PPP1R16B: variants seen among roughly 807,000 people sequenced by gnomAD.
PPP1R16B encodes protein phosphatase 1 regulatory inhibitor subunit 16B.
Under a neutral mutation model 61.7 loss-of-function variants are expected in PPP1R16B, and 14 were observed. That is an observed-to-expected ratio of 0.23 (90% CI 0.15 to 0.35). The LOEUF is 0.35. PPP1R16B is among the 10% of genes least tolerant of loss of function. The probability of loss-of-function intolerance (pLI) is 1.00; values close to 1 mark genes in which losing one functional copy is unlikely to be tolerated. For synonymous variants in PPP1R16B, 266 were observed against 305.3 expected, an observed-to-expected ratio of 0.87 and a Z score of 1.34; for missense variants, 547 against 752.5, an observed-to-expected ratio of 0.73 and a Z score of 3.19.
Position 38,902,628 on chromosome 20 carries a change from G to A in PPP1R16B, c.572-40G>A, listed in dbSNP as rs2085404449. On this transcript the variant is annotated intron_variant, in intron 5 of 10. Transcript: ENST00000299824. ...CTTCCCCTGCCCTCTGGGGTCGTAG[G>A]CCTGAGGGTGCTAAATAAATCCCCT... 1.9e-6 allele frequency: 3 copies of A among 1,613,322 alleles called. No homozygotes were observed. The East Asian group carries it at 6.7e-5, about 36-fold the overall frequency.
At chr20:38,902,463 G>C (rs1355476377) in intron 5 of PPP1R16B, among the ~76,000 whole-genome samples, 3 of 152,214 alleles carry the variant, frequency 2.0e-5, no homozygotes, top group African/African-American at 7.2e-5. Flanking sequence ...TGCCTAGTGG[G>C]TGCCAGGCAG....
chr20:38,833,299 A>G (rs2084849296), intron 1 of PPP1R16B, among the ~76,000 whole-genome samples: 1 of 152,236 alleles, frequency 6.6e-6, no homozygotes, highest in South Asian at 2.1e-4. Context: ...CAAGGCAGGG[A>G]CAGGAGTGGG....
intron 4 of PPP1R16B, among the ~76,000 whole-genome samples, 163 bp downstream of exon 4, chr20:38,895,873 TCCTTCCTTCTTTCTTCCCTCCCTC>T (rs2145766929): frequency 9.6e-6 from 1 of 104,660 alleles, no homozygotes; most frequent in Non-Finnish European, 1.9e-5. Context: ...CCTCCCTCCC[TCCTTCCTTCTTTCTTCCCTCCCTC>T]CCTCCTTCCT....
chr20:38,896,051 C>T (rs1310605296), intron 4 of PPP1R16B, among the ~76,000 whole-genome samples: 2 of 133,030 alleles, frequency 1.5e-5, no homozygotes, highest in African/African-American at 6.7e-5. Context: ...TCTTTTCTCC[C>T]TTCCTCCCTT....
At chr20:38,834,004 A>T (rs1184425291) in intron 1 of PPP1R16B, among the ~76,000 whole-genome samples, 1 of 152,186 alleles carries the variant, frequency 6.6e-6, no homozygotes, top group Admixed American at 6.5e-5. Flanking sequence ...AGTGGACCAC[A>T]TCACACAGAT....
chr20:38,893,075 A>G (rs921839684), intron 3 of PPP1R16B, among the ~76,000 whole-genome samples: 5 of 152,174 alleles, frequency 3.3e-5, no homozygotes, highest in African/African-American at 1.2e-4. Context: ...CATCTATAAA[A>G]GGGGCCATTT....
chr20:38,855,933 T>TAGAGAG (rs1362360833), intron 2 of PPP1R16B, among the ~76,000 whole-genome samples: 1 of 48,330 alleles, frequency 2.1e-5, no homozygotes, highest in Non-Finnish European at 3.5e-5. Flanking sequence ...TATATATATA[T>TAGAGAG]ATATATATAT....
At chr20:38,840,084 T>C (rs1478806067) in intron 2 of PPP1R16B, among the ~76,000 whole-genome samples, 1 of 151,998 alleles carries the variant, frequency 6.6e-6, no homozygotes, top group African/African-American at 2.4e-5. Flanking sequence ...GTTGCCTGGG[T>C]TTGGATGAGG....
chr20:38,816,429 A>C (rs377294305), intron 1 of PPP1R16B, among the ~76,000 whole-genome samples: 4 of 152,226 alleles, frequency 2.6e-5, no homozygotes, highest in African/African-American at 9.6e-5. Flanking sequence ...TGCTCTGAAC[A>C]GGCCTGTGGT....
chr20:38,848,569 G>A (rs1033165384), intron 2 of PPP1R16B, among the ~76,000 whole-genome samples: 14 of 151,980 alleles, frequency 9.2e-5, no homozygotes, highest in Non-Finnish European at 1.3e-4. Flanking sequence ...AATGTTCCTG[G>A]TTATTTTCAG....
chr20:38,875,642 A>G (rs1601280925), intron 2 of PPP1R16B, among the ~76,000 whole-genome samples: 1 of 152,194 alleles, frequency 6.6e-6, no homozygotes, highest in Non-Finnish European at 1.5e-5. Context: ...GGATAAAAAT[A>G]CCATCCTTTT....
Position 38,806,221 on chromosome 20 carries a change from C to G in PPP1R16B, c.-102+429C>G, listed in dbSNP as rs1035018945. Among the ~76,000 whole-genome samples the G allele has an allele frequency of 2.6e-5, 4 of 152,086 alleles. No individual in the cohort carries two copies. Among genetic ancestry groups the G allele is most frequent in the Non-Finnish European group, 5.9e-5 (4 of 67,972 alleles). ...CAAACAACCCCCCCCCGCGCACTCT[C>G]CCGGCCGGGCATGGTGGTGCCGCCC... is the stretch of plus-strand genomic sequence containing the variant. On this transcript the variant is annotated intron_variant, in intron 1 of 10. Transcript: ENST00000299824. This position sits in a 1 kb window ranked among gnomAD's most constrained non-coding sequence, Gnocchi z 4.5.
chr20:38,836,970 C>A (rs1329719798), intron 2 of PPP1R16B, among the ~76,000 whole-genome samples: 2 of 152,190 alleles, frequency 1.3e-5, no homozygotes, highest in Admixed American at 6.5e-5. Context: ...TAGTGGTGAA[C>A]AAGTTGGATC....
intron 4 of PPP1R16B, among the ~76,000 whole-genome samples, chr20:38,897,847 A>G (rs767408300): frequency 8.5e-5 from 13 of 152,166 alleles, no homozygotes; most frequent in African/African-American, 1.9e-4. Context: ...TTTTCTCGTG[A>G]TGAGTGACGT....
chr20:38,903,504 G>GTCATCCAT (rs1257050924), intron 6 of PPP1R16B, among the ~76,000 whole-genome samples: 1 of 151,620 alleles, frequency 6.6e-6, no homozygotes, highest in Non-Finnish European at 1.5e-5. Flanking sequence ...ACCACTCCCA[G>GTCATCCAT]TCATCCATTC....
chr20:38,853,136 C>T (rs2084980906), intron 2 of PPP1R16B, among the ~76,000 whole-genome samples: 1 of 152,156 alleles, frequency 6.6e-6, no homozygotes, highest in South Asian at 2.1e-4. Flanking sequence ...ATTCATGAGG[C>T]TCTTTGTACG....
At chr20:38,864,040 C>G (rs1181385699) in intron 2 of PPP1R16B, among the ~76,000 whole-genome samples, 1 of 152,194 alleles carries the variant, frequency 6.6e-6, no homozygotes, top group East Asian at 1.9e-4. Context: ...CGTGCTATAC[C>G]ATGGATGAAC....
chr20:38,857,705 A>G (rs886730525), intron 2 of PPP1R16B, among the ~76,000 whole-genome samples: 2 of 152,208 alleles, frequency 1.3e-5, no homozygotes, highest in African/African-American at 2.4e-5. Flanking sequence ...TTTGGCAAGT[A>G]TATTCCAGTC....
At chr20:38,827,961 G>A (rs1031041205) in intron 1 of PPP1R16B, among the ~76,000 whole-genome samples, 2 of 152,198 alleles carry the variant, frequency 1.3e-5, no homozygotes, top group African/African-American at 4.8e-5. Flanking sequence ...GAAACACAAG[G>A]AGAAAAGGAC....
Sources: allele counts gnomAD v4.1 joint callset (sites outside exome capture counted in the v4.1 genomes callset), GRCh38; gene constraint gnomAD v4.1.1; non-coding constraint Gnocchi (gnomAD v3.1); transcripts MANE v1.5; gene names NCBI Gene and HGNC (gene_info 2026-07-23, HGNC 2026-07-21).